Variants in ADORA2B observed in about 807,000 individuals in gnomAD.
ADORA2B encodes the protein adenosine A2b receptor, also known as adenosine receptor A2b.
In ADORA2B, 18 loss-of-function variants were observed where a neutral mutation model predicts 20.8. That is an observed-to-expected ratio of 0.87 (90% CI 0.60 to 1.29). The LOEUF (loss-of-function observed/expected upper bound fraction) is 1.29, where lower values mean the gene tolerates loss of function less well. ADORA2B is among the 50% of genes most tolerant of loss of function. The pLI is 0.00. For synonymous variants in ADORA2B, 179 were observed against 178.3 expected (o/e 1.00, Z -0.03); for missense variants, 441 against 422.7 (o/e 1.04, Z -0.38).
the ADORA2B span, among the ~76,000 whole-genome samples, chr17:15,859,428 C>T: frequency 0.01 from 1,530 of 150,198 alleles, 35 homozygotes; most frequent in African/African-American, 0.035. Context: ...TAATTAGCCC[C>T]ACTCCCAACT....
chr17:15,913,269 T>C, the ADORA2B span, among the ~76,000 whole-genome samples: 6 of 152,356 alleles, frequency 3.9e-5, no homozygotes, highest in Non-Finnish European at 5.9e-5. Flanking sequence ...TGACTCAAAA[T>C]GCTACAGCCT....
chr17:15,867,872 A>G, the ADORA2B span, among the ~76,000 whole-genome samples: 4 of 151,872 alleles, frequency 2.6e-5, no homozygotes, highest in Non-Finnish European at 5.9e-5. Flanking sequence ...TGGGAGGTGT[A>G]CTCAACAGCT....
intron 1 of ADORA2B, among the ~76,000 whole-genome samples, chr17:15,971,685 A>G (rs1307568398): frequency 7.0e-6 from 1 of 142,786 alleles, no homozygotes; most frequent in Non-Finnish European, 1.5e-5. Context: ...GTTGGAGTGC[A>G]ATGGTGTAAT....
the ADORA2B span, among the ~76,000 whole-genome samples, chr17:15,882,916 A>C: frequency 6.6e-6 from 1 of 152,294 alleles, no homozygotes; most frequent in South Asian, 2.1e-4. Context: ...TCATGTCACC[A>C]TTCAGAAAAA....
chr17:15,974,618 C>A, intron 1 of ADORA2B, 61 bp from the exon 2 acceptor site: 1 of 1,456,452 alleles, frequency 6.9e-7, no homozygotes. Flanking sequence ...GAGGTGGGGT[C>A]TTGGATTGTG....
chr17:15,866,630 C>T, the ADORA2B span, among the ~76,000 whole-genome samples: 1 of 151,156 alleles, frequency 6.6e-6, no homozygotes, highest in African/African-American at 2.5e-5. Context: ...TTGTCAAATA[C>T]ATATATGGCA....
Position 15,975,127 on chromosome 17 carries a change from G to A in ADORA2B, c.784G>A (p.Ala262Thr). Residue 262 changes from alanine to threonine, a missense_variant, in exon 2 of 2, where the codon GCT becomes ACT. By Grantham distance (58) the Ala-to-Thr change is moderately conservative. Transcript: ENST00000304222. ...TAACTGTGTCACTCTTTTCCAGCCA[G>A]CTCAGGGTAAAAATAAGCCCAAGTG... ...AVNCVTLFQPAQGKNKPKWAM... is the reference protein window; with the variant it reads ...AVNCVTLFQPTQGKNKPKWAM... 6.2e-7 allele frequency: 1 copy of A among 1,614,168 alleles called. No homozygotes were observed. Among genetic ancestry groups the A allele is most frequent in the Non-Finnish European group, 8.5e-7 (1 of 1,180,036 alleles).
the ADORA2B span, among the ~76,000 whole-genome samples, chr17:15,876,833 T>C: frequency 7.2e-5 from 11 of 152,212 alleles, no homozygotes; most frequent in Non-Finnish European, 1.3e-4. Context: ...TTGTTGAGTA[T>C]ATTCACATTG....
At chr17:15,950,881 A>G (rs573495150) in intron 1 of ADORA2B, among the ~76,000 whole-genome samples, 1 of 152,254 alleles carries the variant, frequency 6.6e-6, no homozygotes, top group Admixed American at 6.5e-5. Context: ...CAGCCACTGC[A>G]TTGGTTTACC....
chr17:15,935,701 C>G, the ADORA2B span, among the ~76,000 whole-genome samples: 1 of 151,960 alleles, frequency 6.6e-6, no homozygotes, highest in Non-Finnish European at 1.5e-5. Flanking sequence ...TTAATGATAT[C>G]TCCAAGGTCT....
chr17:15,899,908 T>C, the ADORA2B span, among the ~76,000 whole-genome samples: 2 of 152,032 alleles, frequency 1.3e-5, no homozygotes, highest in Non-Finnish European at 2.9e-5. Context: ...TCTAGCTCAC[T>C]GCAACCTCTG....
At chr17:15,917,750 G>A in the ADORA2B span, among the ~76,000 whole-genome samples, 3 of 152,238 alleles carry the variant, frequency 2.0e-5, no homozygotes, top group Non-Finnish European at 4.4e-5. Context: ...GTCGCATCAG[G>A]GGCTCCATTC....
intron 1 of ADORA2B, among the ~76,000 whole-genome samples, chr17:15,958,732 T>C (rs1387186680): frequency 6.6e-6 from 1 of 152,222 alleles, no homozygotes; most frequent in Non-Finnish European, 1.5e-5. Flanking sequence ...CTTTGCCTGC[T>C]GATTCTTCCC....
At chr17:15,974,587 A>T in intron 1 of ADORA2B, 92 bp from the exon 2 acceptor site, 1 of 1,170,848 alleles carries the variant, frequency 8.5e-7, no homozygotes, top group Non-Finnish European at 1.2e-6. Flanking sequence ...AGAGGTTGTT[A>T]AAGGGTCATG....
upstream of ADORA2B, among the ~76,000 whole-genome samples, chr17:15,940,831 G>A (rs116075480): frequency 3.9e-3 from 599 of 152,326 alleles, 7 homozygotes; most frequent in African/African-American, 0.014. Flanking sequence ...CATGATAAAC[G>A]GTAGGGAGGC....
Position 15,974,883 on chromosome 17 carries a change from C to A in ADORA2B, c.540C>A (p.Ser180Arg). The A allele has an allele frequency of 6.2e-7, 1 of 1,614,174 alleles. No individual in the cohort carries two copies. Reference sequence around the variant, plus strand: ...TCTTTGAGAATGTGGTCCCCATGAGCTACATGGTATATTTCAATTTCTTTG... The same window carrying A: ...TCTTTGAGAATGTGGTCCCCATGAGATACATGGTATATTTCAATTTCTTTG... ...KCLFENVVPM[S>R]YMVYFNFFGC... Residue 180 changes from serine (S) to arginine (R), a missense_variant, in exon 2 of 2, where the codon AGC (serine) becomes AGA (arginine). Transcript: ENST00000304222.
At chr17:15,865,257 T>G in the ADORA2B span, among the ~76,000 whole-genome samples, 1 of 152,178 alleles carries the variant, frequency 6.6e-6, no homozygotes, top group African/African-American at 2.4e-5. Flanking sequence ...AACTATAGTG[T>G]TTTTTTTGTT....
At chr17:15,954,611 TG>T (rs1346404537) in intron 1 of ADORA2B, among the ~76,000 whole-genome samples, 2 of 152,180 alleles carry the variant, frequency 1.3e-5, no homozygotes, top group Non-Finnish European at 2.9e-5. Context: ...ATGTCAAAAA[TG>T]TTTTTTTGGC....
At chr17:15,870,301 A>C in the ADORA2B span, among the ~76,000 whole-genome samples, 2 of 148,488 alleles carry the variant, frequency 1.3e-5, no homozygotes, top group African/African-American at 5.0e-5. Flanking sequence ...CCTAATACAC[A>C]TGTTCCTTAG....
Sources: gnomAD v4.1 joint callset for allele counts (sites outside exome capture counted in the v4.1 genomes callset) on GRCh38, gnomAD v4.1.1 for gene constraint, MANE v1.5 for transcripts, NCBI Gene and HGNC (gene_info 2026-07-23, HGNC 2026-07-21) for gene names.